NEGR1: variants seen among roughly 807,000 people sequenced by gnomAD.
NEGR1 encodes the protein neuronal growth regulator 1.
In NEGR1, 10 loss-of-function variants were observed where a neutral mutation model predicts 40.9. That is an observed-to-expected ratio of 0.24 (90% CI 0.15 to 0.42). The LOEUF is 0.42. NEGR1 is among the 10% of genes least tolerant of loss of function. The pLI is 1.00. For synonymous variants in NEGR1, 185 were observed against 166.8 expected (o/e 1.11, Z -0.84); for missense variants, 352 against 438.9 (o/e 0.80, Z 1.77).
At chr1:72,014,935 A>G (rs1330145157) in intron 1 of NEGR1, among the ~76,000 whole-genome samples, 1 of 152,108 alleles carries the variant, frequency 6.6e-6, no homozygotes, top group East Asian at 1.9e-4. Flanking sequence ...TTCATAAAGT[A>G]ATGCACCAAG....
At chr1:71,677,042 T>G (rs988133675) in intron 4 of NEGR1, among the ~76,000 whole-genome samples, 1 of 152,228 alleles carries the variant, frequency 6.6e-6, no homozygotes, top group Admixed American at 6.5e-5. Context: ...CTTCATTTAT[T>G]TCATCTGTGA....
At position 71,397,265 on chromosome 1, in the gene NEGR1, T is replaced by C. The variant is rs1383955723; in HGVS notation, c.*10181A>G. Reference sequence around the variant, plus strand: ...TTTAGGATATTTGGAGGAAGAAATTTCTAAGCAGCAAAGCATTCAACAGGT... The same window carrying C: ...TTTAGGATATTTGGAGGAAGAAATTCCTAAGCAGCAAAGCATTCAACAGGT... On this transcript the variant is annotated 3_prime_UTR_variant, in exon 7 of 7. Transcript: ENST00000357731. 6.5e-6 allele frequency: 1 copy of C among 154,140 alleles called. No homozygotes were observed. The highest frequency in any genetic ancestry group is 2.4e-5 in the African/African-American group (1 of 41,472). The allele number at this position is 154,140 out of a possible 1,614,324, so 9.5% of individuals were successfully genotyped here. A position where few individuals can be genotyped will look rare whatever the true frequency, so the allele number is the denominator to read the frequency against.
At chr1:71,801,494 T>C (rs1391381635) in intron 2 of NEGR1, among the ~76,000 whole-genome samples, 4 of 152,202 alleles carry the variant, frequency 2.6e-5, no homozygotes, top group Middle Eastern at 3.2e-3. Context: ...TAATGAAAAC[T>C]CTTGTTATTT....
At chr1:71,779,691 C>T (rs1656632574) in intron 2 of NEGR1, among the ~76,000 whole-genome samples, 1 of 152,004 alleles carries the variant, frequency 6.6e-6, no homozygotes, top group Non-Finnish European at 1.5e-5. Flanking sequence ...CCTCAGCCTC[C>T]GGAGTAGCTG....
chr1:71,424,406 A>G (rs1240680515), intron 6 of NEGR1, among the ~76,000 whole-genome samples: 1 of 152,194 alleles, frequency 6.6e-6, no homozygotes, highest in East Asian at 1.9e-4. Flanking sequence ...GTCACAGGAG[A>G]TAATGCACCA....
chr1:71,953,661 A>G (rs1257834868), intron 1 of NEGR1, among the ~76,000 whole-genome samples: 1 of 152,000 alleles, frequency 6.6e-6, no homozygotes, highest in Non-Finnish European at 1.5e-5. Flanking sequence ...AATGTAGCCA[A>G]CTTCATTGTT....
intron 1 of NEGR1, among the ~76,000 whole-genome samples, chr1:72,013,551 C>G (rs561171696): frequency 6.2e-4 from 95 of 152,040 alleles, no homozygotes; most frequent in Non-Finnish European, 1.1e-3. Flanking sequence ...CAATTAAAAT[C>G]TAAATATAAT....
chr1:71,864,764 C>A (rs891868137), intron 2 of NEGR1, among the ~76,000 whole-genome samples: 44 of 152,168 alleles, frequency 2.9e-4, no homozygotes, highest in Non-Finnish European at 5.6e-4. Flanking sequence ...ATCAAAAACA[C>A]AAACAGAAGA....
chr1:71,686,889 G>T (rs752469831), intron 4 of NEGR1, among the ~76,000 whole-genome samples: 4 of 152,054 alleles, frequency 2.6e-5, no homozygotes, highest in Non-Finnish European at 5.9e-5. Context: ...AAAAACAGAA[G>T]GGTTTGCAAA....
At chr1:72,073,068 G>T (rs1647542494) in intron 1 of NEGR1, among the ~76,000 whole-genome samples, 1 of 152,136 alleles carries the variant, frequency 6.6e-6, no homozygotes, top group Non-Finnish European at 1.5e-5. Flanking sequence ...TGTGAGGGAG[G>T]AAAAGGATGC....
rs200848229 is a variant in NEGR1 at position 72,082,717 on chromosome 1, A to AC, written c.177-147407_177-147406insG. Among the ~76,000 whole-genome samples the AC allele has an allele frequency of 4.7e-3, 717 of 151,790 alleles. 12 individuals carry two copies. The highest frequency in any genetic ancestry group is 0.016 in the African/African-American group (682 of 41,368). On this transcript the variant is annotated intron_variant, in intron 1 of 6. Coordinates refer to ENST00000357731, the MANE Select transcript of NEGR1 (RefSeq NM_173808.3). ...AAAAACAAAACAAAACAAAAAACAA[A>AC]AAAAAAAAAACTAATGGGTCATCCT...
intron 6 of NEGR1, among the ~76,000 whole-genome samples, chr1:71,492,811 T>G (rs917660556): frequency 2.6e-5 from 4 of 152,104 alleles, no homozygotes; most frequent in African/African-American, 9.7e-5. Context: ...ATAAGTGCCG[T>G]AACAAAAATA....
At chr1:72,065,169 A>G (rs901575833) in intron 1 of NEGR1, among the ~76,000 whole-genome samples, 12 of 152,134 alleles carry the variant, frequency 7.9e-5, no homozygotes, top group African/African-American at 2.9e-4. Flanking sequence ...ACAACTTTTC[A>G]TTTTTTTACT....
chr1:72,078,562 A>G (rs1312588530), intron 1 of NEGR1, among the ~76,000 whole-genome samples: 1 of 151,226 alleles, frequency 6.6e-6, no homozygotes, highest in African/African-American at 2.4e-5. Flanking sequence ...AAATTCAGCA[A>G]CTGTCATTGC....
chr1:71,565,102 C>G (rs969980729), intron 6 of NEGR1, among the ~76,000 whole-genome samples: 1 of 152,078 alleles, frequency 6.6e-6, no homozygotes, highest in South Asian at 2.1e-4. Context: ...TGAGAGGTAA[C>G]CAGATAAAAT....
intron 4 of NEGR1, among the ~76,000 whole-genome samples, chr1:71,657,666 C>A (rs948371963): frequency 5.9e-5 from 9 of 152,252 alleles, no homozygotes; most frequent in African/African-American, 2.2e-4. Context: ...AACAAACTTA[C>A]AAAGAGCAGG....
Position 71,426,371 on chromosome 1 carries a change from AC to A in NEGR1, c.941-18802del, listed in dbSNP as rs756386035. 6.6e-5 allele frequency among the ~76,000 whole-genome samples: 10 copies of A among 152,278 alleles called. No individual in the cohort carries two copies. The South Asian group carries it at 1.7e-3, about 25-fold the overall frequency. On this transcript the variant is annotated intron_variant, in intron 6 of 6. Transcript: ENST00000357731. ...AGAGAAAAGAATAAATGTAGAAATA[AC>A]CTAAATCTTTTTATGTAGATGAGGT...
At chr1:71,743,272 G>A (rs1655274059) in intron 3 of NEGR1, among the ~76,000 whole-genome samples, 1 of 152,176 alleles carries the variant, frequency 6.6e-6, no homozygotes, top group Non-Finnish European at 1.5e-5. Flanking sequence ...TATTTTTCTT[G>A]AGGAAAGTAG....
chr1:71,609,238 G>A (rs559447852), intron 5 of NEGR1, among the ~76,000 whole-genome samples: 18 of 151,738 alleles, frequency 1.2e-4, no homozygotes, highest in South Asian at 2.1e-4. Context: ...CTGTATGGCC[G>A]GGCGCGGTGG....
Sources: allele counts gnomAD v4.1 joint callset (sites outside exome capture counted in the v4.1 genomes callset), GRCh38; gene constraint gnomAD v4.1.1; transcripts MANE v1.5; gene names NCBI Gene and HGNC (gene_info 2026-07-23, HGNC 2026-07-21).